Variants in HTR1E observed in about 807,000 individuals in gnomAD.
HTR1E encodes the protein 5-hydroxytryptamine receptor 1E, also known as 5-HT-1E.
A neutral mutation model predicts 3.4 loss-of-function variants in HTR1E; 3 were observed. The ratio of observed to expected loss-of-function variants is 0.89; its 90% confidence interval spans 0.41 to 2.31. The LOEUF (loss-of-function observed/expected upper bound fraction) is 2.31. HTR1E is among the 30% of genes most tolerant of loss of function. The pLI is 0.05. For synonymous variants in HTR1E, 170 were observed against 182.8 expected, an observed-to-expected ratio of 0.93 and a Z score of 0.56; for missense variants, 392 against 467.0, an observed-to-expected ratio of 0.84 and a Z score of 1.48.
intron 1 of HTR1E, among the ~76,000 whole-genome samples, chr6:87,007,294 A>T (rs1304305779): frequency 6.6e-6 from 1 of 152,156 alleles, no homozygotes; most frequent in Non-Finnish European, 1.5e-5. Flanking sequence ...TCATGGAGGT[A>T]GAGAGTAGAA....
intron 1 of HTR1E, among the ~76,000 whole-genome samples, chr6:87,008,956 C>A (rs1182787165): frequency 2.0e-5 from 3 of 152,138 alleles, no homozygotes; most frequent in African/African-American, 7.2e-5. Context: ...AGTTACATCA[C>A]TCAAATATAT....
chr6:87,010,818 C>T (rs1412303424), intron 1 of HTR1E, among the ~76,000 whole-genome samples: 6 of 151,864 alleles, frequency 4.0e-5, no homozygotes, highest in Non-Finnish European at 8.8e-5. Flanking sequence ...GCCCTCGGGC[C>T]CCGCGGGGCC....
At chr6:86,949,342 T>G (rs1767187830) in intron 1 of HTR1E, among the ~76,000 whole-genome samples, 1 of 152,252 alleles carries the variant, frequency 6.6e-6, no homozygotes, top group African/African-American at 2.4e-5. Flanking sequence ...TTTTAATTAC[T>G]ACGTAAGTGT....
At chr6:86,981,483 A>C (rs1341722949) in intron 1 of HTR1E, among the ~76,000 whole-genome samples, 1 of 152,194 alleles carries the variant, frequency 6.6e-6, no homozygotes, top group Non-Finnish European at 1.5e-5. Context: ...GCTGTGAGAA[A>C]GGAAGAAGAT....
chr6:86,982,399 A>G (rs1231874753), intron 1 of HTR1E, among the ~76,000 whole-genome samples: 3 of 152,168 alleles, frequency 2.0e-5, no homozygotes, highest in Non-Finnish European at 4.4e-5. Flanking sequence ...TTTCTTGGAA[A>G]TAGATTCTAA....
rs541716161 is a variant in HTR1E, at chr6:87,015,146, C to T, written c.-185-4C>T. ...TCATTAACCAATAGCATAATATTTT[C>T]CAGGAACCTTCACTCAGAAGAAATG... On this transcript the variant is annotated splice_polypyrimidine_tract_variant and splice_region_variant and intron_variant, in intron 1 of 1. Transcript: ENST00000305344. 7.2e-5 allele frequency: 29 copies of T among 401,524 alleles called. No individual in the cohort carries two copies. In the East Asian group the frequency reaches 9.1e-4, roughly 13 times the overall value. The allele number at this position is 401,524 out of a possible 1,614,324, so 24.9% of individuals were successfully genotyped here.
At chr6:86,975,590 C>G (rs1767623603) in intron 1 of HTR1E, among the ~76,000 whole-genome samples, 1 of 151,902 alleles carries the variant, frequency 6.6e-6, no homozygotes, top group South Asian at 2.1e-4. Context: ...TTTGGACTAT[C>G]CTATATGTGT....
chr6:87,013,218 C>A (rs866325893), intron 1 of HTR1E, among the ~76,000 whole-genome samples: 1 of 152,138 alleles, frequency 6.6e-6, no homozygotes, highest in Non-Finnish European at 1.5e-5. Context: ...ATCTATCATC[C>A]CTATAACCTC....
Position 86,985,143 on chromosome 6 carries a change from C to T in HTR1E, c.-185-30007C>T, listed in dbSNP as rs113446354. ...CATCTACCGGCTGGCACTTGCTGGG[C>T]CGTAAACTAAGGAAATGAAGATGGT... On this transcript the variant is annotated intron_variant, in intron 1 of 1. Transcript: ENST00000305344. Among the ~76,000 whole-genome samples, 130 of 152,184 alleles carry T rather than the reference C, an allele frequency of 8.5e-4. 1 individual carries two copies. The highest frequency in any genetic ancestry group is 2.8e-3 in the African/African-American group (118 of 41,522).
intron 1 of HTR1E, among the ~76,000 whole-genome samples, chr6:86,959,424 A>T (rs1767374604): frequency 6.6e-6 from 1 of 152,072 alleles, no homozygotes; most frequent in Non-Finnish European, 1.5e-5. Context: ...ACAAAAAAAA[A>T]TGCAAACGTT....
At chr6:86,986,280 T>C (rs899092597) in intron 1 of HTR1E, among the ~76,000 whole-genome samples, 3 of 152,206 alleles carry the variant, frequency 2.0e-5, no homozygotes, top group African/African-American at 7.2e-5. Context: ...ATCACTACCT[T>C]GCTATGCTTC....
chr6:87,010,274 C>T (rs1408116004), intron 1 of HTR1E, among the ~76,000 whole-genome samples: 1 of 119,124 alleles, frequency 8.4e-6, no homozygotes, highest in Non-Finnish European at 1.7e-5. Flanking sequence ...GGCAGAGGTG[C>T]CCCTCACCTC....
intron 1 of HTR1E, among the ~76,000 whole-genome samples, chr6:86,938,212 C>T (rs1768497710): frequency 6.6e-6 from 1 of 152,080 alleles, no homozygotes; most frequent in African/African-American, 2.4e-5. Context: ...TGGTGTGCTC[C>T]AGGGACCCCG....
chr6:87,007,334 T>C (rs1768127742), intron 1 of HTR1E, among the ~76,000 whole-genome samples: 1 of 152,080 alleles, frequency 6.6e-6, no homozygotes, highest in South Asian at 2.1e-4. Context: ...GGAAGGGTAG[T>C]TGCAGGGGGT....
intron 1 of HTR1E, among the ~76,000 whole-genome samples, chr6:86,987,274 AG>A (rs1238356614): frequency 6.6e-6 from 1 of 152,132 alleles, no homozygotes; most frequent in Non-Finnish European, 1.5e-5. Context: ...CTGTTGCTAA[AG>A]CTTTCTTAGG....
At chr6:86,980,882 G>C (rs948421988) in intron 1 of HTR1E, among the ~76,000 whole-genome samples, 101 of 152,254 alleles carry the variant, frequency 6.6e-4, no homozygotes, top group Non-Finnish European at 2.8e-4. Context: ...GTGTCCAGGA[G>C]TATGTGTGGG....
At chr6:87,003,950 CA>C (rs113723209) in intron 1 of HTR1E, among the ~76,000 whole-genome samples, 2,730 of 152,148 alleles carry the variant, frequency 0.018, 85 homozygotes, top group African/African-American at 0.061. Context: ...CAGAGAAATT[CA>C]AAAGATCGTT....
intron 1 of HTR1E, among the ~76,000 whole-genome samples, chr6:86,943,953 G>A (rs1768581062): frequency 6.6e-6 from 1 of 152,160 alleles, no homozygotes; most frequent in African/African-American, 2.4e-5. Flanking sequence ...CAAAGTTTCA[G>A]CCGAGACTGC....
At position 87,015,237 on chromosome 6, in the gene HTR1E, G is replaced by C. The variant is rs557153799; in HGVS notation, c.-98G>C. The C allele has an allele frequency of 2.8e-4, 293 of 1,044,076 alleles. No homozygotes were observed. The highest frequency in any genetic ancestry group is 2.4e-4 in the Admixed American group (8 of 33,936). 64.7% of individuals were successfully genotyped at this position (1,044,076 alleles called of 1,614,324 possible). On this transcript the variant is annotated 5_prime_UTR_variant, in exon 2 of 2. Coordinates refer to ENST00000305344, the MANE Select transcript of HTR1E (RefSeq NM_000865.3). ...AGACCACATAGCTGAACAAATTATA[G>C]CCTCCTTACAAGTGAGAAACCTTCG...
Sources: allele counts gnomAD v4.1 joint callset (sites outside exome capture counted in the v4.1 genomes callset), GRCh38; gene constraint gnomAD v4.1.1; transcripts MANE v1.5; gene names NCBI Gene and HGNC (gene_info 2026-07-23, HGNC 2026-07-21).